The following TGS1 variants were observed in gnomAD, a reference collection of about 807,000 sequenced individuals.
The protein encoded by TGS1 is trimethylguanosine synthase.
TGS1 carries 69 observed loss-of-function variants against 92.2 expected under a neutral mutation model. The observed-to-expected ratio is 0.75, with a 90% CI of 0.62 to 0.91. TGS1 has a LOEUF of 0.91. Among genes scored for constraint, TGS1 ranks in the 40% least tolerant of loss-of-function variants. The pLI is 0.00. For missense variants in TGS1, 1,062 were observed against 1,001.2 expected, an observed-to-expected ratio of 1.06 and a Z score of -0.82; for synonymous variants, 345 against 338.1, an observed-to-expected ratio of 1.02 and a Z score of -0.22.
rs144144847 is a variant in TGS1, at chr8:55,786,429, T to C, written c.531T>C (p.Thr177=). The part of the protein sequence containing the change: ...RTYELQSKKD[T]ETENPPVENT... ...ATGAACTTCAAAGCAAAAAAGATAC[T>C]GAGACAGAAAATCCTCCAGTTGAAA... is the stretch of plus-strand genomic sequence containing the variant. Residue 177 remains threonine, a synonymous_variant, in exon 4 of 13, where the codon ACT becomes ACC. Transcript: ENST00000260129. The C allele has an allele frequency of 1.2e-6, 2 of 1,613,388 alleles. No homozygotes were observed. Among genetic ancestry groups the C allele is most frequent in the African/African-American group, 1.3e-5 (1 of 74,870 alleles).
In TGS1 at chr8:55,790,145, A is replaced by G; in HGVS notation, c.1163-37A>G. On this transcript the variant is annotated intron_variant, in intron 4 of 12. Coordinates refer to ENST00000260129, the MANE Select transcript of TGS1 (RefSeq NM_024831.8). ...AAATAGCAGAAAAGTTGTCAAACCA[A>G]GGGGGAAAAGCTACTGCAATATTTC... 3 of 1,519,358 alleles carry G rather than the reference A, an allele frequency of 2.0e-6. No homozygotes were observed. In the South Asian group the frequency reaches 3.4e-5, roughly 17 times the overall value. The allele number at this position is 1,519,358 out of a possible 1,614,324, so 94.1% of individuals were successfully genotyped here. A position where few individuals can be genotyped will look rare whatever the true frequency, so the allele number is the denominator to read the frequency against.
chr8:55,796,415 C>T (rs761473423), intron 7 of TGS1, among the ~76,000 whole-genome samples: 17 of 152,140 alleles, frequency 1.1e-4, no homozygotes, highest in Non-Finnish European at 1.8e-4. Context: ...AGCCGTCAGG[C>T]GTGGTGGCTC....
intron 10 of TGS1, among the ~76,000 whole-genome samples, chr8:55,806,385 G>GA (rs34109669): frequency 5.5e-4 from 67 of 120,938 alleles, no homozygotes; most frequent in Admixed American, 3.0e-3. Context: ...AAAGACAAAA[G>GA]AAAAAAAAAA....
In TGS1 at chr8:55,786,443, C is replaced by T. The variant is rs1344707371; in HGVS notation, c.545C>T (p.Pro182Leu). The T allele has an allele frequency of 6.2e-7, 1 of 1,613,634 alleles. No individual in the cohort carries two copies. The highest frequency in any genetic ancestry group is 8.5e-7 in the Non-Finnish European group (1 of 1,179,908). ...QSKKDTETEN[P>L]PVENTLSPKL... is the part of the protein sequence containing the mutation. The stretch of plus-strand genomic sequence containing the variant: ...AAAAAAGATACTGAGACAGAAAATC[C>T]TCCAGTTGAAAACACATTATCTCCA... The change falls in exon 4 of 13, where the codon CCT (proline) becomes CTT (leucine). Residue 182 changes from proline (P) to leucine (L), a missense_variant. Coordinates refer to ENST00000260129, the MANE Select transcript of TGS1 (RefSeq NM_024831.8).
intron 8 of TGS1, 41 bp downstream of exon 8, chr8:55,799,261 A>G: frequency 6.5e-7 from 1 of 1,533,284 alleles, no homozygotes. Context: ...GGATTTAGAT[A>G]AAATTTTTTT....
At chr8:55,799,640 CAA>C (rs1812165140) in intron 8 of TGS1, among the ~76,000 whole-genome samples, 1 of 152,186 alleles carries the variant, frequency 6.6e-6, no homozygotes, top group South Asian at 2.1e-4. Context: ...TGCAGTGGCA[CAA>C]TCACAGCTCA....
chr8:55,792,735 T>C lies in TGS1; in HGVS notation c.1318T>C (p.Phe440Leu). 1 of 1,614,018 alleles carries C rather than the reference T, an allele frequency of 6.2e-7. No homozygotes were observed. Among genetic ancestry groups the C allele is most frequent in the Non-Finnish European group, 8.5e-7 (1 of 1,179,904 alleles). Reference protein sequence around the residue: ...LDIDENPASDFDDSGSLLGFK... With the variant: ...LDIDENPASDLDDSGSLLGFK... ...CATTGATGAAAACCCAGCTTCAGAC[T>C]TTGATGACAGTGGTTCCCTTCTAGG... The change falls in exon 6 of 13, where the codon TTT becomes CTT. Residue 440 changes from phenylalanine to leucine, a missense_variant. Phe to Leu is a conservative substitution (Grantham distance 22). Transcript: ENST00000260129.
At chr8:55,784,010 G>A (rs4595102) in intron 2 of TGS1, among the ~76,000 whole-genome samples, 1 of 152,154 alleles carries the variant, frequency 6.6e-6, no homozygotes, top group South Asian at 2.1e-4. Context: ...TCATTATTTA[G>A]AAAGGTATCT....
chr8:55,806,467 CTG>C (rs763773271), intron 10 of TGS1, among the ~76,000 whole-genome samples: 4 of 148,922 alleles, frequency 2.7e-5, no homozygotes, highest in African/African-American at 4.9e-5. Context: ...AATTTTTTCT[CTG>C]TTTCTTTATT....
chr8:55,777,892 A>G lies in TGS1; in HGVS notation c.101+4173A>G, dbSNP rs569535247. Among the ~76,000 whole-genome samples the G allele has an allele frequency of 8.3e-5, 8 of 95,860 alleles. No homozygotes were observed. The Admixed American group carries it at 9.2e-4, about 11-fold the overall frequency. 62.9% of individuals were successfully genotyped at this position (95,860 alleles called of 152,430 possible). On this transcript the variant is annotated intron_variant, in intron 1 of 12. Transcript: ENST00000260129. ...TCTTTACCATTTTAACAAATGTCAG[A>G]ATAATTTAAATTTTTTTTTTTTTTA...
In TGS1 at chr8:55,787,059, G is replaced by C. The variant is rs552066189; in HGVS notation, c.1161G>C (p.Glu387Asp). ...SGNTNTDPPA[E>D]DSQKSSGANT... Reference sequence around the variant, plus strand: ...ATACAAACACAGACCCACCAGCTGAGGGTAAGATTAACCAAGATTTATTCT... The same window carrying C: ...ATACAAACACAGACCCACCAGCTGACGGTAAGATTAACCAAGATTTATTCT... The change falls in exon 4 of 13, where the codon GAG (glutamate) becomes GAC (aspartate). Residue 387 changes from glutamate (E) to aspartate (D), a missense_variant and splice_region_variant. By Grantham distance (45) the Glu-to-Asp change is conservative. Coordinates refer to ENST00000260129, the MANE Select transcript of TGS1 (RefSeq NM_024831.8). 6.3e-7 allele frequency: 1 copy of C among 1,599,524 alleles called. No individual in the cohort carries two copies. Among genetic ancestry groups the C allele is most frequent in the South Asian group, 1.1e-5 (1 of 88,502 alleles).
chr8:55,784,101 C>T lies in TGS1; in HGVS notation c.166+1289C>T, dbSNP rs575960718. 2.0e-5 allele frequency among the ~76,000 whole-genome samples: 3 copies of T among 152,266 alleles called. No individual in the cohort carries two copies. In the East Asian group the frequency reaches 5.8e-4, roughly 29 times the overall value. ...TTTTGGCTATATAAGATTTACTGTT[C>T]TGTTGCCTGAGACCATCAAGCTGGA... On this transcript the variant is annotated intron_variant, in intron 2 of 12. Coordinates refer to ENST00000260129, the MANE Select transcript of TGS1 (RefSeq NM_024831.8).
intron 5 of TGS1, among the ~76,000 whole-genome samples, 159 bp downstream of exon 5, chr8:55,790,458 T>C (rs535276471): frequency 6.6e-6 from 1 of 152,230 alleles, no homozygotes. Context: ...GACCTGGACC[T>C]GTGGTTAAGG....
At chr8:55,822,104 C>T (rs993628820) in intron 12 of TGS1, among the ~76,000 whole-genome samples, 2 of 150,338 alleles carry the variant, frequency 1.3e-5, no homozygotes, top group Non-Finnish European at 3.0e-5. Context: ...GAGTCTCACT[C>T]TGTCGCCCAG....
intron 6 of TGS1, among the ~76,000 whole-genome samples, chr8:55,793,750 A>T (rs1428503387): frequency 7.0e-6 from 1 of 143,326 alleles, no homozygotes; most frequent in African/African-American, 2.8e-5. Context: ...TTATTTATTT[A>T]TTTATTTATT....
chr8:55,791,254 T>C (rs1212537346), intron 5 of TGS1, among the ~76,000 whole-genome samples: 1 of 152,160 alleles, frequency 6.6e-6, no homozygotes, highest in Non-Finnish European at 1.5e-5. Context: ...ACTGGTAAAA[T>C]GTAGCCAGGG....
chr8:55,818,579 C>T (rs908760773), intron 12 of TGS1, among the ~76,000 whole-genome samples: 3 of 152,212 alleles, frequency 2.0e-5, no homozygotes, highest in African/African-American at 4.8e-5. Context: ...TTTGCTGCTG[C>T]ACAATTAGAG....
At chr8:55,778,719 A>T (rs1313620281) in intron 1 of TGS1, among the ~76,000 whole-genome samples, 1 of 152,198 alleles carries the variant, frequency 6.6e-6, no homozygotes, top group Admixed American at 6.5e-5. Flanking sequence ...TATTTCTGTG[A>T]TCCCCTTTTA....
In TGS1 at chr8:55,802,467, A is replaced by AAAGAAGAAGAAC. The variant is rs758105166; in HGVS notation, c.1875_1886dup (p.Lys627_Lys630dup). On this transcript the variant is annotated inframe_insertion, in exon 9 of 13. Coordinates refer to ENST00000260129, the MANE Select transcript of TGS1 (RefSeq NM_024831.8). ...TGTATTTTATTTTAGCTGAAGTGAAAAAGAAGAAGAACAAGAAGAAGAACA... is the reference window on the plus strand; with the variant it reads ...TGTATTTTATTTTAGCTGAAGTGAAAAAGAAGAAGAACAAGAAGAAGAACAAGAAGAAGAACA... 1 of 1,613,444 alleles carries AAAGAAGAAGAAC rather than the reference A, an allele frequency of 6.2e-7. No homozygotes were observed. The highest frequency in any genetic ancestry group is 1.3e-5 in the African/African-American group (1 of 75,004).
Sources: allele counts gnomAD v4.1 joint callset (sites outside exome capture counted in the v4.1 genomes callset), GRCh38; gene constraint gnomAD v4.1.1; transcripts MANE v1.5; gene names NCBI Gene and HGNC (gene_info 2026-07-23, HGNC 2026-07-21).